ACACB: variants seen among roughly 807,000 people sequenced by gnomAD.
The protein encoded by ACACB is acetyl-CoA carboxylase beta, also known as acetyl-CoA carboxylase 2.
In ACACB, 209 loss-of-function variants were observed where a neutral mutation model predicts 278.8. The observed-to-expected ratio is 0.75, with a 90% CI of 0.67 to 0.84. The LOEUF (loss-of-function observed/expected upper bound fraction) is 0.84. Among genes scored for constraint, ACACB ranks in the 40% least tolerant of loss-of-function variants. ACACB has a pLI of 0.00. For synonymous variants in ACACB, 1,174 were observed against 1,285.6 expected, an observed-to-expected ratio of 0.91 and a Z score of 1.86; for missense variants, 2,850 against 3,269.0, an observed-to-expected ratio of 0.87 and a Z score of 3.13.
In ACACB at chr12:109,253,091, A is replaced by G. The variant is rs2047138729; in HGVS notation, c.5978A>G (p.His1993Arg). 2 of 1,613,434 alleles carry G rather than the reference A, an allele frequency of 1.2e-6. No individual in the cohort carries two copies. Among genetic ancestry groups the G allele is most frequent in the African/African-American group, 1.3e-5 (1 of 74,914 alleles). Residue 1993 changes from histidine to arginine, a missense_variant, in exon 43 of 53, where the codon CAC becomes CGC. His to Arg is a conservative substitution (Grantham distance 29). Coordinates refer to ENST00000338432, the MANE Select transcript of ACACB (RefSeq NM_001093.4). ...ATCATGCATTACAATGGTGTCTCCC[A>G]CATCACCGTGCCAGATGACTTTGAG... ...VQIMHYNGVSHITVPDDFEGV... is the reference protein window; with the variant it reads ...VQIMHYNGVSRITVPDDFEGV...
At position 109,260,574 on chromosome 12, in the gene ACACB, G is replaced by A. The variant is rs762665949; in HGVS notation, c.6591G>A (p.Ala2197=). 8.7e-6 allele frequency: 14 copies of A among 1,613,462 alleles called. No homozygotes were observed. Among genetic ancestry groups the A allele is most frequent in the South Asian group, 6.6e-5 (6 of 90,946 alleles). The change falls in exon 48 of 53, where the codon GCG becomes GCA. Residue 2197 remains alanine (A), a synonymous_variant. Coordinates refer to ENST00000338432, the MANE Select transcript of ACACB (RefSeq NM_001093.4). Reference sequence around the variant, plus strand: ...TCCTGATCTATATCCCGCCCTATGCGGAGCTCCGGGGAGGCTCCTGGGTGG... The same window carrying A: ...TCCTGATCTATATCCCGCCCTATGCAGAGCTCCGGGGAGGCTCCTGGGTGG... ...QPILIYIPPY[A]ELRGGSWVVI... is the part of the protein sequence containing the mutation.
chr12:109,237,809 C>G (rs1474829009), intron 34 of ACACB, among the ~76,000 whole-genome samples: 2 of 151,850 alleles, frequency 1.3e-5, no homozygotes, highest in Non-Finnish European at 2.9e-5. Context: ...GTCAGGGGTT[C>G]AAAACCAGCC....
chr12:109,171,791 C>G lies in ACACB; in HGVS notation c.926-14C>G. The G allele has an allele frequency of 6.3e-7, 1 of 1,599,558 alleles. No individual in the cohort carries two copies. Among genetic ancestry groups the G allele is most frequent in the Non-Finnish European group, 8.6e-7 (1 of 1,166,824 alleles). ...GTCAGCAGTTCCTTCCTTCTCCCTC[C>G]CATTTAATTTCAGAGTACATCAAGA... On this transcript the variant is annotated splice_polypyrimidine_tract_variant and intron_variant, in intron 4 of 52. Coordinates refer to ENST00000338432, the MANE Select transcript of ACACB (RefSeq NM_001093.4).
intron 16 of ACACB, among the ~76,000 whole-genome samples, chr12:109,194,204 G>A (rs1178556011): frequency 6.6e-6 from 1 of 151,672 alleles, no homozygotes; most frequent in African/African-American, 2.4e-5. Flanking sequence ...TGTTGTTGTT[G>A]TTGTTTTTTC....
intron 17 of ACACB, 42 bp downstream of exon 17, chr12:109,197,195 A>T (rs184563288): frequency 6.3e-7 from 1 of 1,578,748 alleles, no homozygotes; most frequent in East Asian, 2.4e-5. Context: ...GGGCATGCAC[A>T]GCTCTCTGTC....
At chr12:109,118,247 G>A (rs1173919580) in intron 1 of ACACB, among the ~76,000 whole-genome samples, 1 of 152,074 alleles carries the variant, frequency 6.6e-6, no homozygotes. Context: ...TCCTGCTCAG[G>A]TGTTGTGTAA....
rs73401931 is a variant in ACACB, at chr12:109,265,335, A to G, written c.7114-54A>G. 0.011 allele frequency: 17,243 copies of G among 1,610,466 alleles called. 1,548 individuals are homozygous for G. The African/African-American group carries it at 0.2, about 19-fold the overall frequency. On this transcript the variant is annotated intron_variant, in intron 51 of 52. Transcript: ENST00000338432. The stretch of plus-strand genomic sequence containing the variant: ...AGCACAGGGGGTGCTGGGGGCTGAG[A>G]CAGCTGGCCCACAGCTGGGTCCCTC...
chr12:109,249,999 T>C lies in ACACB; in HGVS notation c.5685T>C (p.Asp1895=). 6.2e-7 allele frequency: 1 copy of C among 1,612,942 alleles called. No homozygotes were observed. Among genetic ancestry groups the C allele is most frequent in the Non-Finnish European group, 8.5e-7 (1 of 1,179,544 alleles). Residue 1895 remains aspartate, a synonymous_variant, in exon 41 of 53, where the codon GAT becomes GAC. Transcript: ENST00000338432. ...EGGESRYMIT[D]IIGKDDGLGV... ...GCTTTTGAAGATACATGATCACGGA[T>C]ATCATCGGGAAGGATGATGGCTTGG...
chr12:109,143,960 A>G (rs2043179755), intron 2 of ACACB, among the ~76,000 whole-genome samples: 1 of 152,088 alleles, frequency 6.6e-6, no homozygotes, highest in South Asian at 2.1e-4. Flanking sequence ...TGAGCCCAGA[A>G]GTTTGAGAGC....
At chr12:109,190,334 C>T (rs749165882) in intron 13 of ACACB, among the ~76,000 whole-genome samples, 2 of 152,264 alleles carry the variant, frequency 1.3e-5, no homozygotes, top group South Asian at 2.1e-4. Context: ...GTGATCCACC[C>T]GCCTTGGCCT....
Position 109,266,393 on chromosome 12 carries a change from C to A in ACACB, c.*31C>A. 1 of 1,579,114 alleles carries A rather than the reference C, an allele frequency of 6.3e-7. No homozygotes were observed. The highest frequency in any genetic ancestry group is 8.6e-7 in the Non-Finnish European group (1 of 1,166,014). Reference sequence around the variant, plus strand: ...GCCCGCCCAGCCACTCCCGGGACCACGGCAAAAGGAACCACCCAGACCCAC... The same window carrying A: ...GCCCGCCCAGCCACTCCCGGGACCAAGGCAAAAGGAACCACCCAGACCCAC... On this transcript the variant is annotated 3_prime_UTR_variant, in exon 53 of 53. Coordinates refer to ENST00000338432, the MANE Select transcript of ACACB (RefSeq NM_001093.4).
intron 28 of ACACB, 136 bp from the exon 29 acceptor site, chr12:109,232,533 C>T: frequency 9.0e-7 from 1 of 1,113,116 alleles, no homozygotes; most frequent in Non-Finnish European, 1.3e-6. Flanking sequence ...ATTGTCTCAT[C>T]CCCTGCCCAT....
chr12:109,155,236 C>G (rs1223057749), intron 2 of ACACB, among the ~76,000 whole-genome samples: 19 of 152,160 alleles, frequency 1.2e-4, no homozygotes, highest in Admixed American at 1.2e-3. Flanking sequence ...GGCACGCCTT[C>G]CCCGCTTTCT....
intron 2 of ACACB, among the ~76,000 whole-genome samples, chr12:109,141,840 G>C (rs1291680532): frequency 6.6e-6 from 1 of 152,178 alleles, no homozygotes; most frequent in Admixed American, 6.5e-5. Context: ...AGTCTGTGGA[G>C]TCAGCTGGAG....
intron 11 of ACACB, among the ~76,000 whole-genome samples, chr12:109,183,825 T>C (rs933969403): frequency 1.3e-5 from 2 of 152,126 alleles, no homozygotes; most frequent in Non-Finnish European, 2.9e-5. Context: ...TTTCTTCCCA[T>C]AATGGGGTCT....
In ACACB at chr12:109,237,273, A is replaced by G; in HGVS notation, c.4555A>G (p.Lys1519Glu). The G allele has an allele frequency of 2.5e-6, 4 of 1,614,182 alleles. No homozygotes were observed. The highest frequency in any genetic ancestry group is 3.4e-6 in the Non-Finnish European group (4 of 1,180,028). The change falls in exon 34 of 53, where the codon AAG becomes GAG. Residue 1519 changes from lysine to glutamate, a missense_variant. Physicochemically the swap from Lys to Glu is moderately conservative, Grantham distance 56. Around this residue, in one of 3 missense-constraint regions of ACACB, gnomAD observed 2,265 missense variants for 2,561.3 expected, o/e 0.88. Coordinates refer to ENST00000338432, the MANE Select transcript of ACACB (RefSeq NM_001093.4). The stretch of plus-strand genomic sequence containing the variant: ...GACCGCCGTGCCCTGTGCCAACCAC[A>G]AGATGCACCTTTACCTGGGTGCTGC... ...DLTAVPCANH[K>E]MHLYLGAAKV... is the part of the protein sequence containing the mutation.
At chr12:109,132,973 CGT>C (rs773718282) in intron 1 of ACACB, among the ~76,000 whole-genome samples, 12 of 152,256 alleles carry the variant, frequency 7.9e-5, no homozygotes, top group East Asian at 7.7e-4. Context: ...ACCTGCCGTG[CGT>C]GTGTCTAACC....
chr12:109,118,444 C>T (rs1281676787), intron 1 of ACACB, among the ~76,000 whole-genome samples: 3 of 144,640 alleles, frequency 2.1e-5, no homozygotes, highest in Admixed American at 7.0e-5. Context: ...GACAGAGTCT[C>T]GTCCTGTCAC....
chr12:109,199,417 C>A lies in ACACB; in HGVS notation c.2643C>A (p.Ile881=). The change falls in exon 18 of 53, where the codon ATC becomes ATA. Residue 881 remains isoleucine (I), a synonymous_variant. Coordinates refer to ENST00000338432, the MANE Select transcript of ACACB (RefSeq NM_001093.4). ...TCTCTCCCAGTTACCGAATTACCAT[C>A]GGCAATAAGACGTGTGTGTTTGAGA... ...KEEVDSYRIT[I]GNKTCVFEKE... 6.6e-7 allele frequency: 1 copy of A among 1,511,590 alleles called. No individual in the cohort carries two copies. Among genetic ancestry groups the A allele is most frequent in the Non-Finnish European group, 8.9e-7 (1 of 1,128,946 alleles). 93.6% of individuals were successfully genotyped at this position (1,511,590 alleles called of 1,614,324 possible).
Sources: allele counts gnomAD v4.1 joint callset (sites outside exome capture counted in the v4.1 genomes callset), GRCh38; gene constraint gnomAD v4.1.1; regional missense constraint gnomAD v4.1.1; transcripts MANE v1.5; gene names NCBI Gene and HGNC (gene_info 2026-07-23, HGNC 2026-07-21).